PRTG: variants seen among roughly 807,000 people sequenced by gnomAD.
PRTG encodes immunoglobulin superfamily, DCC subclass, member 5.
In PRTG, 67 loss-of-function variants were observed where a neutral mutation model predicts 122.5. The observed-to-expected ratio is 0.55, with a 90% confidence interval of 0.45 to 0.67. The LOEUF (loss-of-function observed/expected upper bound fraction) is 0.67, where lower values mean the gene tolerates loss of function less well. Ranked by LOEUF, PRTG falls within the 30% of genes least tolerant of loss-of-function variation. The pLI, the probability that PRTG is intolerant of heterozygous loss-of-function variation, is 0.00. For synonymous variants in PRTG, 554 were observed against 501.1 expected (o/e 1.11, Z -1.41); for missense variants, 1,435 against 1,415.4 (o/e 1.01, Z -0.22).
intron 11 of PRTG, among the ~76,000 whole-genome samples, chr15:55,657,673 C>A (rs981510598): frequency 5.3e-5 from 8 of 152,262 alleles, no homozygotes; most frequent in African/African-American, 1.9e-4. Context: ...CCATAGCTAA[C>A]TGTAGTTTGT....
chr15:55,662,865 G>A (rs888713763), intron 11 of PRTG, among the ~76,000 whole-genome samples: 3 of 152,152 alleles, frequency 2.0e-5, no homozygotes, highest in African/African-American at 4.8e-5. Flanking sequence ...CCAGAGAGAC[G>A]CTGGTCCACA....
At position 55,620,763 on chromosome 15, in the gene PRTG, C is replaced by T. The variant is rs2141706406; in HGVS notation, c.3098G>A (p.Gly1033Glu). The change falls in exon 19 of 20, where the codon GGA becomes GAA. Residue 1033 changes from glycine (G) to glutamate (E), a missense_variant. By Grantham distance (98) the Gly-to-Glu change is moderately conservative. Coordinates refer to ENST00000389286, the MANE Select transcript of PRTG (RefSeq NM_173814.6). ...MPNSFIDAKG[G>E]TDLIINSYGP... is the part of the protein sequence containing the mutation. ...ATAGCTATTAATTATCAGGTCAGTTCCTCCCTGAGGAAATAAAAGAGGGGA... is the reference window on the plus strand; with the variant it reads ...ATAGCTATTAATTATCAGGTCAGTTTCTCCCTGAGGAAATAAAAGAGGGGA... The T allele has an allele frequency of 6.3e-7, 1 of 1,581,002 alleles. No homozygotes were observed. Among genetic ancestry groups the T allele is most frequent in the East Asian group, 2.3e-5 (1 of 43,932 alleles).
chr15:55,637,345 G>A lies in PRTG; in HGVS notation c.2453-5C>T, dbSNP rs764692805. ...CAACTGGTGGGCCTGCTGGTGCTGT[G>A]CAGACACAACAAAACATTGTATTAA... On this transcript the variant is annotated splice_region_variant and splice_polypyrimidine_tract_variant and intron_variant, in intron 14 of 19. Transcript: ENST00000389286. The A allele has an allele frequency of 1.2e-6, 2 of 1,605,768 alleles. No individual in the cohort carries two copies. The highest frequency in any genetic ancestry group is 2.2e-5 in the East Asian group (1 of 44,772).
intron 2 of PRTG, chr15:55,738,402 C>T (rs771067323): frequency 5.9e-6 from 4 of 677,064 alleles, no homozygotes; most frequent in Non-Finnish European, 1.1e-5. Flanking sequence ...AGGATTCTAT[C>T]AGGCTTCTCA....
intron 2 of PRTG, among the ~76,000 whole-genome samples, chr15:55,701,915 G>A (rs985490632): frequency 6.6e-6 from 1 of 152,126 alleles, no homozygotes; most frequent in Non-Finnish European, 1.5e-5. Context: ...TATATGGGCT[G>A]CTAGGAGTCA....
At chr15:55,656,308 T>C in intron 11 of PRTG, 1 of 453,440 alleles carries the variant, frequency 2.2e-6, no homozygotes, top group Non-Finnish European at 4.4e-6. Flanking sequence ...TTTTGTGGAA[T>C]GTCTCACAAT....
In PRTG at chr15:55,730,337, A is replaced by G. The variant is rs575132312; in HGVS notation, c.397+10045T>C. On this transcript the variant is annotated intron_variant, in intron 2 of 19. Coordinates refer to ENST00000389286, the MANE Select transcript of PRTG (RefSeq NM_173814.6). ...GGCTGGTCTTGAACTGCTGACCGAC[A>G]GTGATTCTCCCACCTCGGCCTCCCA... 4.7e-3 allele frequency among the ~76,000 whole-genome samples: 711 copies of G among 152,180 alleles called. 4 individuals are homozygous for G. The highest frequency in any genetic ancestry group is 7.7e-3 in the Non-Finnish European group (525 of 68,000).
At chr15:55,731,363 ATTCT>A (rs2031224518) in intron 2 of PRTG, among the ~76,000 whole-genome samples, 1 of 112,942 alleles carries the variant, frequency 8.9e-6, no homozygotes, top group Non-Finnish European at 1.7e-5. Flanking sequence ...ACACCTTATC[ATTCT>A]TTTTTTTTTT....
intron 11 of PRTG, among the ~76,000 whole-genome samples, chr15:55,647,637 AATT>A (rs2059331490): frequency 6.6e-6 from 1 of 152,210 alleles, no homozygotes; most frequent in African/African-American, 2.4e-5. Context: ...GAGTTCCTAT[AATT>A]AATAAACACA....
intron 13 of PRTG, among the ~76,000 whole-genome samples, chr15:55,639,189 G>A (rs561274003): frequency 6.6e-6 from 1 of 152,230 alleles, no homozygotes; most frequent in African/African-American, 2.4e-5. Context: ...TGCCCAGGCT[G>A]ATCTTAAACT....
At chr15:55,696,882 G>A (rs8031192) in intron 2 of PRTG, among the ~76,000 whole-genome samples, 106,066 of 152,058 alleles carry the variant, frequency 0.7, 38,155 homozygotes, top group Non-Finnish European at 0.8. Flanking sequence ...ACGTGACTAA[G>A]TAAATATAAA....
chr15:55,695,232 T>C (rs1486396241), intron 2 of PRTG, among the ~76,000 whole-genome samples: 2 of 152,192 alleles, frequency 1.3e-5, no homozygotes, highest in East Asian at 1.9e-4. Flanking sequence ...GACTACTAAT[T>C]TAATAAATAT....
chr15:55,732,547 T>C (rs1302152189), intron 2 of PRTG, among the ~76,000 whole-genome samples: 2 of 145,068 alleles, frequency 1.4e-5, no homozygotes, highest in Non-Finnish European at 3.0e-5. Context: ...CAGGCTGAAG[T>C]GCAATGGCGC....
At chr15:55,718,753 T>G (rs1161215554) in intron 2 of PRTG, among the ~76,000 whole-genome samples, 3 of 152,140 alleles carry the variant, frequency 2.0e-5, no homozygotes, top group Non-Finnish European at 4.4e-5. Context: ...ACTTTTCTTT[T>G]TTTTTTGGAG....
At chr15:55,677,569 T>C (rs117031840) in intron 8 of PRTG, among the ~76,000 whole-genome samples, 3,096 of 152,264 alleles carry the variant, frequency 0.02, 48 homozygotes, top group South Asian at 0.063. Context: ...CATTAGCTGG[T>C]AATTGTTTCT....
intron 12 of PRTG, among the ~76,000 whole-genome samples, chr15:55,640,652 A>T (rs2059284359): frequency 6.6e-6 from 1 of 152,188 alleles, no homozygotes; most frequent in Admixed American, 6.5e-5. Flanking sequence ...TTTTGTATGC[A>T]AAATGAAAAT....
At chr15:55,727,059 G>T (rs892810435) in intron 2 of PRTG, among the ~76,000 whole-genome samples, 2 of 151,432 alleles carry the variant, frequency 1.3e-5, no homozygotes, top group East Asian at 1.9e-4. Flanking sequence ...TTAAAAAGAA[G>T]AATAATCTCA....
rs770760654 is a variant in PRTG, at chr15:55,620,299, A to G, written c.3199-33T>C. On this transcript the variant is annotated intron_variant, in intron 19 of 19. Coordinates refer to ENST00000389286, the MANE Select transcript of PRTG (RefSeq NM_173814.6). ...AAAAAAGATAAGATGGCAATGAGATACCAGACTGATCGAATCCACGAGCAA... is the reference window on the plus strand; with the variant it reads ...AAAAAAGATAAGATGGCAATGAGATGCCAGACTGATCGAATCCACGAGCAA... 4 of 1,605,992 alleles carry G rather than the reference A, an allele frequency of 2.5e-6. No homozygotes were observed. The African/African-American group carries it at 5.4e-5, about 22-fold the overall frequency.
chr15:55,656,970 T>C (rs148847428), intron 11 of PRTG, among the ~76,000 whole-genome samples: 25 of 152,360 alleles, frequency 1.6e-4, no homozygotes, highest in African/African-American at 5.8e-4. Context: ...TCTAGAACTA[T>C]CTGGGACTTT....
Sources: allele counts gnomAD v4.1 joint callset (sites outside exome capture counted in the v4.1 genomes callset), GRCh38; gene constraint gnomAD v4.1.1; transcripts MANE v1.5; gene names NCBI Gene and HGNC (gene_info 2026-07-23, HGNC 2026-07-21).